Variants in LRRTM4 observed in about 807,000 individuals in gnomAD.
LRRTM4 encodes the protein leucine rich repeat transmembrane neuronal 4, also known as leucine-rich repeat transmembrane neuronal protein 4.
In LRRTM4, 25 loss-of-function variants were observed where a neutral mutation model predicts 47.6. The observed-to-expected ratio is 0.53, with a 90% CI of 0.38 to 0.73. LRRTM4 has a LOEUF of 0.73. Among genes scored for constraint, LRRTM4 ranks in the 30% least tolerant of loss-of-function variants. LRRTM4 has a pLI of 0.00. For synonymous variants in LRRTM4, 311 were observed against 269.5 expected (o/e 1.15, Z -1.51); for missense variants, 638 against 713.4 (o/e 0.89, Z 1.20).
At chr2:76,837,982 T>C (rs1671565198) in intron 3 of LRRTM4, among the ~76,000 whole-genome samples, 1 of 151,808 alleles carries the variant, frequency 6.6e-6, no homozygotes, top group Admixed American at 6.6e-5. Context: ...ATATACCTAA[T>C]GCTAAATGAC....
intron 3 of LRRTM4, among the ~76,000 whole-genome samples, chr2:76,943,753 T>C (rs913661442): frequency 2.0e-5 from 3 of 152,290 alleles, no homozygotes; most frequent in Middle Eastern, 6.8e-3. Flanking sequence ...TTCTCCTCTA[T>C]TATGCATCTG....
chr2:77,019,344 G>T (rs368150350), intron 3 of LRRTM4, among the ~76,000 whole-genome samples: 2 of 151,482 alleles, frequency 1.3e-5, no homozygotes, highest in Admixed American at 1.3e-4. Context: ...GCCCTGGAAG[G>T]CCTTAATGCC....
chr2:76,991,052 G>A (rs1158641232), intron 3 of LRRTM4, among the ~76,000 whole-genome samples: 2 of 151,640 alleles, frequency 1.3e-5, no homozygotes, highest in African/African-American at 4.8e-5. Flanking sequence ...TGACTTTTGG[G>A]TAAAAAAGAA....
intron 3 of LRRTM4, among the ~76,000 whole-genome samples, chr2:76,890,510 G>T (rs1335038855): frequency 4.0e-5 from 6 of 151,898 alleles, no homozygotes; most frequent in African/African-American, 1.4e-4. Context: ...TGTTCATATT[G>T]TCTCAGACTC....
At chr2:77,221,187 A>C (rs902505528) in intron 3 of LRRTM4, among the ~76,000 whole-genome samples, 5 of 152,320 alleles carry the variant, frequency 3.3e-5, no homozygotes, top group East Asian at 1.9e-4. Context: ...GCCTGCCCTA[A>C]AAGAGCTCCT....
intron 3 of LRRTM4, among the ~76,000 whole-genome samples, chr2:76,757,941 A>C (rs1673114222): frequency 6.6e-6 from 1 of 152,172 alleles, no homozygotes; most frequent in South Asian, 2.1e-4. Flanking sequence ...GAAATTTGAA[A>C]AAGGAAATGA....
At chr2:76,964,845 A>G (rs138431598) in intron 3 of LRRTM4, among the ~76,000 whole-genome samples, 3 of 150,872 alleles carry the variant, frequency 2.0e-5, no homozygotes, top group African/African-American at 7.3e-5. Flanking sequence ...TCCATACCAG[A>G]TATAAAAACT....
chr2:76,764,537 A>G (rs1038660842), intron 3 of LRRTM4, among the ~76,000 whole-genome samples: 1 of 152,204 alleles, frequency 6.6e-6, no homozygotes, highest in African/African-American at 2.4e-5. Context: ...AGGCTGAGGC[A>G]GGAGACTGGC....
At chr2:77,356,874 G>T (rs942256753) in intron 3 of LRRTM4, among the ~76,000 whole-genome samples, 1 of 152,092 alleles carries the variant, frequency 6.6e-6, no homozygotes, top group Non-Finnish European at 1.5e-5. Flanking sequence ...TAAAATTGTT[G>T]TGAAGGCCTA....
intron 3 of LRRTM4, among the ~76,000 whole-genome samples, chr2:77,118,951 T>C (rs1382054264): frequency 6.6e-6 from 1 of 151,780 alleles, no homozygotes; most frequent in Non-Finnish European, 1.5e-5. Flanking sequence ...AACCAAGATG[T>C]CCAAAGCTAG....
chr2:76,766,276 T>TA lies in LRRTM4; in HGVS notation c.1552-17361dup, dbSNP rs1381392539. ...TTCTTGTGCTAAGTTACATTTAACA[T>TA]ACAATTGAAATCCAAACTGGAGCCA... On this transcript the variant is annotated intron_variant, in intron 3 of 3. Transcript: ENST00000409884. Among the ~76,000 whole-genome samples, 12 of 152,328 alleles carry TA rather than the reference T, an allele frequency of 7.9e-5. 1 individual carries two copies. The highest frequency in any genetic ancestry group is 1.6e-4 in the Non-Finnish European group (11 of 68,040).
chr2:77,088,542 T>C (rs1224681897), intron 3 of LRRTM4, among the ~76,000 whole-genome samples: 2 of 151,444 alleles, frequency 1.3e-5, no homozygotes, highest in Non-Finnish European at 2.9e-5. Context: ...CCAAATCCTA[T>C]AAAACGGCCC....
chr2:76,781,435 G>T (rs570327207), intron 3 of LRRTM4, among the ~76,000 whole-genome samples: 811 of 152,280 alleles, frequency 5.3e-3, no homozygotes, highest in South Asian at 0.015. Context: ...TCCGAGCCAG[G>T]TGTGGCATAT....
intron 3 of LRRTM4, among the ~76,000 whole-genome samples, chr2:77,294,037 T>C (rs1467733440): frequency 6.6e-6 from 1 of 152,180 alleles, no homozygotes; most frequent in Non-Finnish European, 1.5e-5. Flanking sequence ...AAAACATATA[T>C]GTATACCACA....
At chr2:76,785,872 G>C (rs1355295720) in intron 3 of LRRTM4, among the ~76,000 whole-genome samples, 1 of 152,084 alleles carries the variant, frequency 6.6e-6, no homozygotes, top group East Asian at 1.9e-4. Flanking sequence ...CTGCAGAGTT[G>C]CCCAAGGAAG....
chr2:76,778,442 G>A (rs1674158645), intron 3 of LRRTM4, among the ~76,000 whole-genome samples: 1 of 147,574 alleles, frequency 6.8e-6, no homozygotes, highest in Non-Finnish European at 1.5e-5. Context: ...TTCAGCTCCT[G>A]TTATTGGTCT....
In LRRTM4 at chr2:77,248,264, A is replaced by T. The variant is rs182312633; in HGVS notation, c.1551+270054T>A. Among the ~76,000 whole-genome samples, 682 of 151,938 alleles carry T rather than the reference A, an allele frequency of 4.5e-3. 5 individuals carry two copies. The highest frequency in any genetic ancestry group is 0.016 in the Middle Eastern group (4 of 252). On this transcript the variant is annotated intron_variant, in intron 3 of 3. Transcript: ENST00000409884. ...TTGTATATGTTTTTAATATGTGTGT[A>T]TGTATATTCAGTTGCAAATTAAAAT... is the stretch of plus-strand genomic sequence containing the variant.
chr2:77,507,297 T>A lies in LRRTM4; in HGVS notation c.1551+11021A>T, dbSNP rs140141651. ...TTTGCTTATATAATTAATTATGTAA[T>A]CTGTTTCAATAAATTTTTAGTAAAA... On this transcript the variant is annotated intron_variant, in intron 3 of 3. Coordinates refer to ENST00000409884, the MANE Select transcript of LRRTM4 (RefSeq NM_001134745.3). Among the ~76,000 whole-genome samples, 5 of 152,232 alleles carry A rather than the reference T, an allele frequency of 3.3e-5. No homozygotes were observed. In the East Asian group the frequency reaches 9.7e-4, roughly 29 times the overall value.
intron 3 of LRRTM4, among the ~76,000 whole-genome samples, chr2:77,337,051 T>A (rs1671192839): frequency 6.6e-6 from 1 of 152,090 alleles, no homozygotes; most frequent in Admixed American, 6.6e-5. Context: ...TGCACAAAAA[T>A]TAGTAGCATT....
Sources: allele counts gnomAD v4.1 joint callset (sites outside exome capture counted in the v4.1 genomes callset), GRCh38; gene constraint gnomAD v4.1.1; transcripts MANE v1.5; gene names NCBI Gene and HGNC (gene_info 2026-07-23, HGNC 2026-07-21).